The following GNAQ variants were observed in gnomAD, a reference collection of about 807,000 sequenced individuals.
GNAQ encodes the protein guanine nucleotide-binding protein G(q) subunit alpha.
A neutral mutation model predicts 43.9 loss-of-function variants in GNAQ; 8 were observed. The ratio of observed to expected loss-of-function variants is 0.18; its 90% CI spans 0.11 to 0.33. The LOEUF (loss-of-function observed/expected upper bound fraction) is 0.33. Among genes scored for constraint, GNAQ ranks in the 10% least tolerant of loss-of-function variants. The pLI is 1.00. For missense variants in GNAQ, 158 were observed against 450.8 expected (o/e 0.35, Z 5.88); for synonymous variants, 155 against 170.7 (o/e 0.91, Z 0.71).
chr9:78,001,325 T>C (rs924091741), intron 1 of GNAQ, among the ~76,000 whole-genome samples: 5 of 151,850 alleles, frequency 3.3e-5, no homozygotes, highest in African/African-American at 1.2e-4. Context: ...TGCTTTAACC[T>C]GGGAGGCAGA....
intron 6 of GNAQ, among the ~76,000 whole-genome samples, chr9:77,724,885 T>C (rs1003851745): frequency 1.3e-5 from 2 of 151,608 alleles, no homozygotes; most frequent in Non-Finnish European, 2.9e-5. Flanking sequence ...CAAATATATA[T>C]ATAATTAATG....
At chr9:77,873,192 T>C (rs1338016773) in intron 2 of GNAQ, among the ~76,000 whole-genome samples, 1 of 152,212 alleles carries the variant, frequency 6.6e-6, no homozygotes, top group Non-Finnish European at 1.5e-5. Context: ...GGCAAACAGA[T>C]GTTTACTAGC....
intron 5 of GNAQ, among the ~76,000 whole-genome samples, chr9:77,754,663 T>C (rs372089959): frequency 6.6e-6 from 1 of 151,868 alleles, no homozygotes; most frequent in Non-Finnish European, 1.5e-5. Context: ...TCAAGAGGAG[T>C]CATTAATAGG....
intron 2 of GNAQ, among the ~76,000 whole-genome samples, chr9:77,874,941 C>T (rs1230734887): frequency 1.3e-5 from 2 of 151,702 alleles, no homozygotes; most frequent in Non-Finnish European, 2.9e-5. Flanking sequence ...TTTAAAATAA[C>T]CCTCTCAGAT....
At chr9:77,902,274 CATA>C (rs1382388457) in intron 2 of GNAQ, among the ~76,000 whole-genome samples, 1 of 152,170 alleles carries the variant, frequency 6.6e-6, no homozygotes, top group Non-Finnish European at 1.5e-5. Context: ...CACTTGTTAT[CATA>C]ATAATTAATT....
chr9:78,023,480 TA>T (rs1237869321), intron 1 of GNAQ, among the ~76,000 whole-genome samples: 3 of 151,676 alleles, frequency 2.0e-5, no homozygotes, highest in Non-Finnish European at 2.9e-5. Flanking sequence ...AAGGGATGGG[TA>T]GGGGGGCTAC....
chr9:77,866,874 T>G (rs1827959119), intron 2 of GNAQ, among the ~76,000 whole-genome samples: 2 of 152,218 alleles, frequency 1.3e-5, no homozygotes, highest in African/African-American at 4.8e-5. Context: ...AGTTTATTAT[T>G]TTCTATAGTT....
In GNAQ at chr9:77,925,382, TAAAG is replaced by T. The variant is rs141052977; in HGVS notation, c.137-3041_137-3038del. 3.5e-3 allele frequency among the ~76,000 whole-genome samples: 527 copies of T among 152,290 alleles called. 2 individuals are homozygous for T. The highest frequency in any genetic ancestry group is 0.012 in the African/African-American group (511 of 41,564). On this transcript the variant is annotated intron_variant, in intron 1 of 6. Coordinates refer to ENST00000286548, the MANE Select transcript of GNAQ (RefSeq NM_002072.5). ...ACACACTTCTGGAAGCCAATCATGA[TAAAG>T]AAACAGGTCTGGGCATGATTTTCAC...
chr9:77,878,574 TCTAATTATTTGATTATTTCAACCC>T (rs1828162565), intron 2 of GNAQ, among the ~76,000 whole-genome samples: 2 of 151,886 alleles, frequency 1.3e-5, no homozygotes, highest in South Asian at 2.1e-4. Flanking sequence ...ACTTTCAACC[TCTAATTATTTGATTATTTCAACCC>T]CTAATTATTT....
At chr9:77,962,132 A>C (rs569449392) in intron 1 of GNAQ, among the ~76,000 whole-genome samples, 1 of 152,256 alleles carries the variant, frequency 6.6e-6, no homozygotes, top group East Asian at 1.9e-4. Context: ...AAAATGAAGC[A>C]CAAAGGGAAA....
At chr9:77,983,469 C>T (rs1249603390) in intron 1 of GNAQ, among the ~76,000 whole-genome samples, 3 of 152,188 alleles carry the variant, frequency 2.0e-5, no homozygotes, top group South Asian at 4.1e-4. Flanking sequence ...TGGGCCCCTC[C>T]CCTCTGGAAC....
intron 1 of GNAQ, among the ~76,000 whole-genome samples, chr9:77,938,592 A>T (rs1433843028): frequency 6.6e-6 from 1 of 152,194 alleles, no homozygotes; most frequent in Non-Finnish European, 1.5e-5. Flanking sequence ...GAAAAGATAG[A>T]ACAGGCAGGT....
At chr9:77,895,058 C>T (rs1049116340) in intron 2 of GNAQ, among the ~76,000 whole-genome samples, 2 of 151,066 alleles carry the variant, frequency 1.3e-5, no homozygotes, top group Non-Finnish European at 2.9e-5. Flanking sequence ...ATTAGTTGGG[C>T]GTGGTGGCAG....
intron 5 of GNAQ, among the ~76,000 whole-genome samples, chr9:77,786,557 T>C (rs565744495): frequency 2.0e-5 from 3 of 152,110 alleles, no homozygotes; most frequent in South Asian, 2.1e-4. Context: ...GCTGAAGGGA[T>C]GGGACTCCAG....
chr9:77,869,443 G>A (rs1406248317), intron 2 of GNAQ, among the ~76,000 whole-genome samples: 1 of 152,020 alleles, frequency 6.6e-6, no homozygotes. Context: ...GTGTTAAAAA[G>A]GTTAAATAAA....
At chr9:77,921,113 A>C (rs1828990083) in intron 2 of GNAQ, among the ~76,000 whole-genome samples, 1 of 152,246 alleles carries the variant, frequency 6.6e-6, no homozygotes, top group Non-Finnish European at 1.5e-5. Context: ...GTATAAATGC[A>C]GTGTTTTATC....
intron 1 of GNAQ, among the ~76,000 whole-genome samples, chr9:78,019,622 G>C (rs1267676047): frequency 1.3e-5 from 2 of 152,074 alleles, no homozygotes; most frequent in Non-Finnish European, 2.9e-5. Flanking sequence ...GTCATAATTA[G>C]AGACTTTAGG....
At chr9:77,763,185 G>C (rs1163695865) in intron 5 of GNAQ, among the ~76,000 whole-genome samples, 1 of 148,844 alleles carries the variant, frequency 6.7e-6, no homozygotes, top group Non-Finnish European at 1.5e-5. Flanking sequence ...CAGAGGCCCA[G>C]GAACTGGCTG....
chr9:77,988,439 T>G (rs995570391), intron 1 of GNAQ, among the ~76,000 whole-genome samples: 1 of 152,230 alleles, frequency 6.6e-6, no homozygotes, highest in African/African-American at 2.4e-5. Context: ...GCCAAAGGAT[T>G]TGATCTGGTA....
Sources: allele counts gnomAD v4.1 joint callset (sites outside exome capture counted in the v4.1 genomes callset), GRCh38; gene constraint gnomAD v4.1.1; transcripts MANE v1.5; gene names NCBI Gene and HGNC (gene_info 2026-07-23, HGNC 2026-07-21).